The following STPG2 variants were observed in gnomAD, a reference collection of about 807,000 sequenced individuals.
The protein encoded by STPG2 is sperm-tail PG-rich repeat-containing protein 2.
STPG2 carries 56 observed loss-of-function variants against 54.2 expected under a neutral mutation model. That is an observed-to-expected ratio of 1.03 (90% CI 0.83 to 1.29). The LOEUF is 1.29. Ranked by LOEUF, STPG2 falls within the 50% of genes most tolerant of loss-of-function variation. STPG2 has a pLI of 0.00. For synonymous variants in STPG2, 200 were observed against 181.8 expected, an observed-to-expected ratio of 1.10 and a Z score of -0.81; for missense variants, 596 against 544.9, an observed-to-expected ratio of 1.09 and a Z score of -0.93.
At chr4:97,924,852 T>A (rs893211390) in intron 8 of STPG2, among the ~76,000 whole-genome samples, 26 of 152,338 alleles carry the variant, frequency 1.7e-4, no homozygotes, top group African/African-American at 6.3e-4. Flanking sequence ...TCATTTTTAA[T>A]ATATTGTCCC....
intron 9 of STPG2, among the ~76,000 whole-genome samples, chr4:97,825,215 A>G (rs2149107722): frequency 6.6e-6 from 1 of 152,282 alleles, no homozygotes; most frequent in South Asian, 2.1e-4. Context: ...CCCACTCAAA[A>G]TCTAAGGCTC....
chr4:98,108,347 A>G (rs1295643945), intron 4 of STPG2, among the ~76,000 whole-genome samples: 3 of 152,160 alleles, frequency 2.0e-5, no homozygotes, highest in Non-Finnish European at 4.4e-5. Flanking sequence ...AAAATTAATT[A>G]TAAGAAAGGG....
intron 10 of STPG2, among the ~76,000 whole-genome samples, chr4:97,566,541 G>A (rs1031723808): frequency 1.3e-5 from 2 of 152,146 alleles, no homozygotes; most frequent in Non-Finnish European, 2.9e-5. Flanking sequence ...CTCACGCTGG[G>A]AGCTGTAGAC....
At chr4:97,449,240 A>T (rs1729305705) in intron 4 of STPG2, among the ~76,000 whole-genome samples, 1 of 152,186 alleles carries the variant, frequency 6.6e-6, no homozygotes, top group Non-Finnish European at 1.5e-5. Flanking sequence ...TTAATATCAA[A>T]TAATTTTTGT....
chr4:97,464,831 G>A (rs1181369916), intron 4 of STPG2, among the ~76,000 whole-genome samples: 3 of 152,066 alleles, frequency 2.0e-5, no homozygotes, highest in Non-Finnish European at 2.9e-5. Flanking sequence ...TATATCAACA[G>A]TCATAAAAGA....
chr4:97,686,951 T>G (rs28710239), intron 10 of STPG2, among the ~76,000 whole-genome samples: 31 of 44,412 alleles, frequency 7.0e-4, no homozygotes, highest in South Asian at 5.7e-3. Context: ...ATTTTTTTTT[T>G]TGAGAGAGAG....
At chr4:97,812,713 C>T (rs930643869) in intron 9 of STPG2, among the ~76,000 whole-genome samples, 8 of 152,046 alleles carry the variant, frequency 5.3e-5, no homozygotes, top group African/African-American at 1.7e-4. Flanking sequence ...CCCCGTTTTC[C>T]TCCTAATCAA....
At chr4:97,835,077 G>A (rs1728590610) in intron 9 of STPG2, among the ~76,000 whole-genome samples, 1 of 152,064 alleles carries the variant, frequency 6.6e-6, no homozygotes, top group Non-Finnish European at 1.5e-5. Context: ...TCCCAGTTAA[G>A]TTGCTCATTC....
intron 5 of STPG2, among the ~76,000 whole-genome samples, chr4:98,086,982 G>A (rs28499184): frequency 0.076 from 11,561 of 152,076 alleles, 491 homozygotes; most frequent in African/African-American, 0.1. Context: ...GAATAGTATC[G>A]TTGTCAACAG....
At chr4:97,724,996 A>C (rs1025458247) in intron 9 of STPG2, among the ~76,000 whole-genome samples, 1 of 152,096 alleles carries the variant, frequency 6.6e-6, no homozygotes, top group Non-Finnish European at 1.5e-5. Context: ...TTCTTGACTC[A>C]AATCCTGTTG....
intron 9 of STPG2, among the ~76,000 whole-genome samples, chr4:97,777,072 T>C (rs1726399855): frequency 6.6e-6 from 1 of 152,210 alleles, no homozygotes; most frequent in Non-Finnish European, 1.5e-5. Context: ...ATATATTAGG[T>C]TGTGATGATT....
At chr4:97,843,061 A>T (rs765632509) in intron 8 of STPG2, among the ~76,000 whole-genome samples, 61 of 151,948 alleles carry the variant, frequency 4.0e-4, no homozygotes, top group Non-Finnish European at 7.5e-4. Flanking sequence ...TCAGGGAAAA[A>T]TAGTATTTGT....
chr4:97,779,594 C>A (rs976872382), intron 9 of STPG2, among the ~76,000 whole-genome samples: 2 of 152,142 alleles, frequency 1.3e-5, no homozygotes, highest in Non-Finnish European at 2.9e-5. Flanking sequence ...CACAAAGATA[C>A]TCCTCAACAA....
intron 9 of STPG2, among the ~76,000 whole-genome samples, chr4:97,734,827 C>T (rs1410681477): frequency 2.6e-5 from 4 of 152,038 alleles, no homozygotes; most frequent in African/African-American, 7.2e-5. Flanking sequence ...AATCCTAGCA[C>T]TTTGGGGGGC....
chr4:97,980,037 A>C (rs1009867276), intron 6 of STPG2, among the ~76,000 whole-genome samples: 7 of 152,028 alleles, frequency 4.6e-5, no homozygotes, highest in Non-Finnish European at 4.4e-5. Flanking sequence ...TTTTTTTAAA[A>C]TAGCCAGGCA....
intron 7 of STPG2, among the ~76,000 whole-genome samples, chr4:97,951,724 T>C (rs1055051793): frequency 2.0e-5 from 3 of 152,198 alleles, no homozygotes; most frequent in African/African-American, 7.2e-5. Flanking sequence ...TCTTGAAGCC[T>C]ACTTCATTCC....
At chr4:97,735,531 T>C (rs13128918) in intron 9 of STPG2, among the ~76,000 whole-genome samples, 23 of 150,064 alleles carry the variant, frequency 1.5e-4, no homozygotes, top group African/African-American at 5.1e-4. Flanking sequence ...AAAGGGAGAA[T>C]ATGGATTGGG....
chr4:97,716,196 C>G (rs1464534856), intron 9 of STPG2, among the ~76,000 whole-genome samples: 1 of 151,968 alleles, frequency 6.6e-6, no homozygotes, highest in African/African-American at 2.4e-5. Flanking sequence ...AATCAGGAAA[C>G]AACAGATGCT....
chr4:97,636,081 A>G (rs1194669876), intron 10 of STPG2, among the ~76,000 whole-genome samples: 1 of 151,966 alleles, frequency 6.6e-6, no homozygotes, highest in Admixed American at 6.6e-5. Context: ...AATTGACCAC[A>G]TACTTGGAAG....
Sources: allele counts gnomAD v4.1 joint callset (sites outside exome capture counted in the v4.1 genomes callset), GRCh38; gene constraint gnomAD v4.1.1; transcripts MANE v1.5; gene names NCBI Gene and HGNC (gene_info 2026-07-23, HGNC 2026-07-21).